Variants in DENND3 observed in about 807,000 individuals in gnomAD.
The protein encoded by DENND3 is DENN domain-containing protein 3.
DENND3 carries 88 observed loss-of-function variants against 135.1 expected under a neutral mutation model. The ratio of observed to expected loss-of-function variants is 0.65; its 90% CI spans 0.55 to 0.78. The LOEUF (loss-of-function observed/expected upper bound fraction) is 0.78. DENND3 is among the 30% of genes least tolerant of loss of function. DENND3 has a pLI of 0.00. For synonymous variants in DENND3, 693 were observed against 712.3 expected (o/e 0.97, Z 0.43); for missense variants, 1,392 against 1,688.4 (o/e 0.82, Z 3.08).
chr8:141,145,910 G>A (rs1222419316), intron 5 of DENND3, among the ~76,000 whole-genome samples: 12 of 143,910 alleles, frequency 8.3e-5, no homozygotes, highest in Non-Finnish European at 1.2e-4. Flanking sequence ...GCACAGTGGC[G>A]TGATCTTGGC....
chr8:141,157,179 CCAA>C (rs976331776), intron 8 of DENND3, among the ~76,000 whole-genome samples: 11 of 152,144 alleles, frequency 7.2e-5, no homozygotes, highest in Non-Finnish European at 1.5e-4. Flanking sequence ...CAAACTTTTT[CCAA>C]CAAGTGTCAA....
intron 22 of DENND3, chr8:141,193,005 C>T (rs1824980775): frequency 1.2e-6 from 1 of 845,830 alleles, no homozygotes; most frequent in Non-Finnish European, 1.6e-6. Flanking sequence ...AGCGTGCACT[C>T]CAGGCCCTTC....
chr8:141,148,856 A>G (rs1418208906), intron 5 of DENND3, among the ~76,000 whole-genome samples: 1 of 151,974 alleles, frequency 6.6e-6, no homozygotes, highest in Non-Finnish European at 1.5e-5. Context: ...AACTTGGATA[A>G]TTTAACTTTG....
At chr8:141,157,592 C>T in intron 8 of DENND3, 1 of 985,874 alleles carries the variant, frequency 1.0e-6, no homozygotes, top group Non-Finnish European at 1.2e-6. Flanking sequence ...TCAGCCATCA[C>T]CTTTCTTCTC....
chr8:141,191,224 T>C (rs929061692), intron 20 of DENND3: 2 of 152,272 alleles, frequency 1.3e-5, no homozygotes, highest in African/African-American at 4.8e-5. Context: ...CAAGTGCTCT[T>C]AGTTCTGTCA....
intron 17 of DENND3, among the ~76,000 whole-genome samples, chr8:141,183,083 C>T (rs763457565): frequency 1.2e-4 from 18 of 152,112 alleles, no homozygotes; most frequent in Admixed American, 4.6e-4. Flanking sequence ...GAAACCTCAA[C>T]GCGGTGGTAA....
At chr8:141,153,611 A>G (rs1465574062) in intron 7 of DENND3, among the ~76,000 whole-genome samples, 1 of 152,096 alleles carries the variant, frequency 6.6e-6, no homozygotes, top group African/African-American at 2.4e-5. Flanking sequence ...TGCGGGGGAG[A>G]ACAGTGCTTG....
Position 141,138,241 on chromosome 8 carries a change from C to T in DENND3, c.501+104C>T. ...ACCATTCTAACCATTTTAAAGTGTG[C>T]AGTTCCGTAACATTAAGTACATTCA... On this transcript the variant is annotated intron_variant, in intron 3 of 22. Coordinates refer to ENST00000519811, the MANE Select transcript of DENND3 (RefSeq NM_001352890.3). The surrounding 1 kb of genome is among the most constrained non-coding windows in gnomAD (Gnocchi z 4.8). 3 of 1,218,924 alleles carry T rather than the reference C, an allele frequency of 2.5e-6. No homozygotes were observed. The highest frequency in any genetic ancestry group is 3.5e-6 in the Non-Finnish European group (3 of 860,622). 75.5% of individuals were successfully genotyped at this position (1,218,924 alleles called of 1,614,324 possible).
chr8:141,142,306 G>A (rs768798220), intron 4 of DENND3: 10 of 447,816 alleles, frequency 2.2e-5, no homozygotes, highest in African/African-American at 4.0e-5. Flanking sequence ...AAAGGCCGAG[G>A]AGAAAGCAGT....
At position 141,151,926 on chromosome 8, in the gene DENND3, C is replaced by T. The variant is rs570825785; in HGVS notation, c.1074+89C>T. 51 of 1,485,302 alleles carry T rather than the reference C, an allele frequency of 3.4e-5. 1 individual carries two copies. Among genetic ancestry groups the T allele is most frequent in the South Asian group, 2.7e-4 (22 of 82,542 alleles). 92.0% of individuals were successfully genotyped at this position (1,485,302 alleles called of 1,614,324 possible). A position where few individuals can be genotyped will look rare whatever the true frequency, so the allele number is the denominator to read the frequency against. ...GGAAGATGCGTCTGAAAGTGCTCCG[C>T]GGTGAAGGCGGGGTCTGTGTGCCGC... On this transcript the variant is annotated intron_variant, in intron 7 of 22. Coordinates refer to ENST00000519811, the MANE Select transcript of DENND3 (RefSeq NM_001352890.3).
At chr8:141,151,967 A>G in intron 7 of DENND3, 130 bp downstream of exon 7, 2 of 1,138,682 alleles carry the variant, frequency 1.8e-6, no homozygotes, top group Non-Finnish European at 2.5e-6. Flanking sequence ...GGTCACGGGT[A>G]CCGTGAGAAG....
In DENND3 at chr8:141,144,160, T is replaced by A. The variant is rs116789554; in HGVS notation, c.636T>A (p.Leu212=). Residue 212 remains leucine, a synonymous_variant, in exon 5 of 23, where the codon CTT becomes CTA. Transcript: ENST00000519811. The surrounding 1 kb of genome is among the most constrained non-coding windows in gnomAD (Gnocchi z 4.4). ...LKDCLSCLLA[L]LKPCKDFEVD... is the part of the protein sequence containing the mutation. ...TTTCGAATTTCAGTTTATTGGCTCT[T>A]CTGAAGCCCTGTAAAGATTTTGAAG... The A allele has an allele frequency of 1.5e-3, 2,409 of 1,611,200 alleles. 38 individuals carry two copies. In the African/African-American group the frequency reaches 0.027, roughly 18 times the overall value.
chr8:141,133,983 C>T (rs548568153), intron 1 of DENND3, among the ~76,000 whole-genome samples: 7 of 152,128 alleles, frequency 4.6e-5, no homozygotes, highest in African/African-American at 1.7e-4. Context: ...GTGCGAAGGA[C>T]CCAGGCCTGG....
intron 14 of DENND3, 80 bp from the exon 15 acceptor site, chr8:141,176,510 AG>A (rs1373901157): frequency 1.9e-6 from 3 of 1,570,924 alleles, no homozygotes; most frequent in Non-Finnish European, 2.6e-6. Context: ...TTCATTCCAG[AG>A]CCCGCTCTGC....
chr8:141,178,084 G>A lies in DENND3; in HGVS notation c.2724G>A (p.Gln908=). ...ADDHKDPHYV[Q]QALTNVLLMD... Reference sequence around the variant, plus strand: ...TGTTGTAGGACCCTCACTACGTCCAGCAGGCGCTGACCAACGTCTTGCTGA... The same window carrying A: ...TGTTGTAGGACCCTCACTACGTCCAACAGGCGCTGACCAACGTCTTGCTGA... The change falls in exon 16 of 23, where the codon CAG becomes CAA. Residue 908 remains glutamine, a synonymous_variant. Coordinates refer to ENST00000519811, the MANE Select transcript of DENND3 (RefSeq NM_001352890.3). 1 of 1,609,998 alleles carries A rather than the reference G, an allele frequency of 6.2e-7. No homozygotes were observed. The highest frequency in any genetic ancestry group is 8.5e-7 in the Non-Finnish European group (1 of 1,176,648).
Position 141,141,171 on chromosome 8 carries a change from A to G in DENND3, c.502-32A>G, listed in dbSNP as rs766370770. ...AGATACTGGAATTGCCAAGGTGGGGAGGTGACCATGTCGCTGTTGCTTTTC... is the reference window on the plus strand; with the variant it reads ...AGATACTGGAATTGCCAAGGTGGGGGGGTGACCATGTCGCTGTTGCTTTTC... On this transcript the variant is annotated intron_variant, in intron 3 of 22. Coordinates refer to ENST00000519811, the MANE Select transcript of DENND3 (RefSeq NM_001352890.3). This position sits in a 1 kb window ranked among gnomAD's most constrained non-coding sequence, Gnocchi z 5.3. 1.3e-5 allele frequency: 21 copies of G among 1,613,686 alleles called. No individual in the cohort carries two copies. In the Admixed American group the frequency reaches 2.8e-4, roughly 22 times the overall value.
chr8:141,172,619 T>G (rs1216616356), intron 13 of DENND3, among the ~76,000 whole-genome samples: 1 of 152,176 alleles, frequency 6.6e-6, no homozygotes, highest in African/African-American at 2.4e-5. Context: ...GGTGTCTGGC[T>G]CCTTCATTAG....
Position 141,148,835 on chromosome 8 carries a change from T to C in DENND3, c.736-1999T>C, listed in dbSNP as rs117361734. On this transcript the variant is annotated intron_variant, in intron 5 of 22. Coordinates refer to ENST00000519811, the MANE Select transcript of DENND3 (RefSeq NM_001352890.3). ...TTCATGTAAAGTTGACAATTATTAA[T>C]ACTGTGCCACAACTTGGATAATTTA... is the stretch of plus-strand genomic sequence containing the variant. Among the ~76,000 whole-genome samples, 1,179 of 152,326 alleles carry C rather than the reference T, an allele frequency of 7.7e-3. 6 individuals are homozygous for C. Among genetic ancestry groups the C allele is most frequent in the Non-Finnish European group, 0.011 (777 of 68,028 alleles).
At position 141,150,680 on chromosome 8, in the gene DENND3, G is replaced by A. The variant is rs142881796; in HGVS notation, c.736-154G>A. On this transcript the variant is annotated intron_variant, in intron 5 of 22. Coordinates refer to ENST00000519811, the MANE Select transcript of DENND3 (RefSeq NM_001352890.3). The stretch of plus-strand genomic sequence containing the variant: ...CGGCAGTTCTGTATATCTCTAGACC[G>A]TTTGGTTATTCTGCAGAATTTAACG... Among the ~76,000 whole-genome samples the A allele has an allele frequency of 3.5e-3, 537 of 152,304 alleles. 5 individuals carry two copies. The highest frequency in any genetic ancestry group is 0.012 in the African/African-American group (492 of 41,556).
Sources: allele counts gnomAD v4.1 joint callset (sites outside exome capture counted in the v4.1 genomes callset), GRCh38; gene constraint gnomAD v4.1.1; non-coding constraint Gnocchi (gnomAD v3.1); transcripts MANE v1.5; gene names NCBI Gene and HGNC (gene_info 2026-07-23, HGNC 2026-07-21).